Variants in TCF25 observed in about 807,000 individuals in gnomAD.
The protein encoded by TCF25 is ribosome quality control complex subunit TCF25.
TCF25 carries 41 observed loss-of-function variants against 83.1 expected under a neutral mutation model. The ratio of observed to expected loss-of-function variants is 0.49; its 90% confidence interval spans 0.38 to 0.64. TCF25 has a LOEUF of 0.64. Ranked by LOEUF, TCF25 falls within the 30% of genes least tolerant of loss-of-function variation. The pLI, the probability that TCF25 is intolerant of heterozygous loss-of-function variation, is 0.00. For synonymous variants in TCF25, 458 were observed against 365.0 expected, an observed-to-expected ratio of 1.25 and a Z score of -2.90; for missense variants, 979 against 914.5, an observed-to-expected ratio of 1.07 and a Z score of -0.91.
intron 13 of TCF25, 181 bp downstream of exon 13, chr16:89,904,386 A>G: frequency 1.5e-6 from 1 of 679,244 alleles, no homozygotes; most frequent in Non-Finnish European, 2.5e-6. Flanking sequence ...CTGTGTGGAA[A>G]AGTCCAGGTG....
At chr16:89,910,478 G>A (rs1254455557) in intron 16 of TCF25, 113 bp from the exon 17 acceptor site, 8 of 1,045,958 alleles carry the variant, frequency 7.6e-6, no homozygotes, top group South Asian at 2.7e-5. Flanking sequence ...GCCCCCTGGC[G>A]GCCCCTCCGT....
At chr16:89,887,613 T>A (rs751152138) in intron 4 of TCF25, 39 bp from the exon 5 acceptor site, 1 of 1,553,206 alleles carries the variant, frequency 6.4e-7, no homozygotes, top group Admixed American at 2.1e-5. Flanking sequence ...TCTTAGAACA[T>A]AATTTCATGT....
At position 89,889,494 on chromosome 16, in the gene TCF25, T is replaced by C. The variant is rs1450848030; in HGVS notation, c.614+1777T>C. On this transcript the variant is annotated intron_variant, in intron 5 of 17. Transcript: ENST00000263346. ...GCCCAGCCAGACACATCCTGTTTTA[T>C]TGGACCATGGAGAGTATTGCTGGTC... 3.0e-5 allele frequency: 6 copies of C among 202,084 alleles called. No individual in the cohort carries two copies. The East Asian group carries it at 9.5e-4, about 32-fold the overall frequency. 12.5% of individuals were successfully genotyped at this position (202,084 alleles called of 1,614,324 possible).
Position 89,873,862 on chromosome 16 carries a change from G to T in TCF25, c.192+3G>T. On this transcript the variant is annotated splice_donor_region_variant and intron_variant, in intron 1 of 17. Transcript: ENST00000263346. ...GAGTCAACAACCGCTTCGAGCTGGT[G>T]AGGAGCGCGGCGGCCCGGGTGGGGG... is the stretch of plus-strand genomic sequence containing the variant. The T allele has an allele frequency of 1.3e-6, 2 of 1,525,366 alleles. No homozygotes were observed. The highest frequency in any genetic ancestry group is 1.8e-6 in the Non-Finnish European group (2 of 1,136,646). The allele number at this position is 1,525,366 out of a possible 1,614,324, so 94.5% of individuals were successfully genotyped here. A position where few individuals can be genotyped will look rare whatever the true frequency, so the allele number is the denominator to read the frequency against.
intron 1 of TCF25, chr16:89,878,644 T>G: frequency 9.2e-7 from 1 of 1,092,076 alleles, no homozygotes; most frequent in South Asian, 2.2e-5. Flanking sequence ...AATAAGGTGT[T>G]TTGTTTTGTT....
chr16:89,904,052 C>T (rs2044569685), intron 12 of TCF25, 66 bp from the exon 13 acceptor site: 4 of 1,519,010 alleles, frequency 2.6e-6, no homozygotes, highest in African/African-American at 1.4e-5. Context: ...CCCTTACTGC[C>T]TTGGGGGCTA....
chr16:89,908,562 A>T (rs1597394249), intron 16 of TCF25, among the ~76,000 whole-genome samples: 1 of 88,480 alleles, frequency 1.1e-5, no homozygotes, highest in Non-Finnish European at 2.2e-5. Flanking sequence ...TCCAGTTCCC[A>T]CCTCTTTCCT....
Position 89,893,809 on chromosome 16 carries a change from A to G in TCF25, c.779A>G (p.Gln260Arg). ...FEHSEEYQQA[Q>R]HKFLVAVESM... ...CACAGTGAGGAGTACCAGCAGGCTCAGCACAAGTTCCTGGTGGCCGTGGAG... is the reference window on the plus strand; with the variant it reads ...CACAGTGAGGAGTACCAGCAGGCTCGGCACAAGTTCCTGGTGGCCGTGGAG... The change falls in exon 7 of 18, where the codon CAG (glutamine) becomes CGG (arginine). Residue 260 changes from glutamine (Q) to arginine (R), a missense_variant. By Grantham distance (43) the Gln-to-Arg change is conservative. Transcript: ENST00000263346. The G allele has an allele frequency of 6.2e-7, 1 of 1,612,674 alleles. No individual in the cohort carries two copies. Among genetic ancestry groups the G allele is most frequent in the Non-Finnish European group, 8.5e-7 (1 of 1,179,472 alleles).
Position 89,883,363 on chromosome 16 carries a change from G to T in TCF25, c.205G>T (p.Asp69Tyr). The T allele has an allele frequency of 6.2e-7, 1 of 1,613,386 alleles. No homozygotes were observed. Among genetic ancestry groups the T allele is most frequent in the Non-Finnish European group, 8.5e-7 (1 of 1,179,454 alleles). Reference protein sequence around the residue: ...NNRFELINIDDLEDDPVVNGE... With the variant: ...NNRFELINIDYLEDDPVVNGE... ...CCTGTTTTTCCAGATAAACATTGAC[G>T]ATCTTGAGGATGACCCTGTGGTGAA... The change falls in exon 2 of 18, where the codon GAT (aspartate) becomes TAT (tyrosine). Residue 69 changes from aspartate to tyrosine, a missense_variant. By Grantham distance (160) the Asp-to-Tyr change is radical. Coordinates refer to ENST00000263346, the MANE Select transcript of TCF25 (RefSeq NM_014972.3).
chr16:89,882,742 G>A (rs2042703329), intron 1 of TCF25, among the ~76,000 whole-genome samples: 1 of 152,132 alleles, frequency 6.6e-6, no homozygotes, highest in Non-Finnish European at 1.5e-5. Flanking sequence ...TCCTGCCACT[G>A]TGCCTGGCTA....
Position 89,895,486 on chromosome 16 carries a change from A to G in TCF25, c.928+349A>G, listed in dbSNP as rs562329666. ...CTCCCAAAGTGCTGGGATTACAGGC[A>G]TGAGCCACCACGCCCCGCCCTCTGG... is the stretch of plus-strand genomic sequence containing the variant. On this transcript the variant is annotated intron_variant, in intron 8 of 17. Coordinates refer to ENST00000263346, the MANE Select transcript of TCF25 (RefSeq NM_014972.3). Among the ~76,000 whole-genome samples the G allele has an allele frequency of 1.4e-3, 219 of 152,222 alleles. 2 individuals are homozygous for G. The highest frequency in any genetic ancestry group is 4.9e-3 in the African/African-American group (203 of 41,512).
intron 1 of TCF25, among the ~76,000 whole-genome samples, chr16:89,876,213 A>C (rs986817249): frequency 8.6e-5 from 13 of 152,032 alleles, no homozygotes; most frequent in African/African-American, 3.1e-4. Context: ...AATTTCAGAG[A>C]ATTTTATCCA....
intron 4 of TCF25, 30 bp from the exon 5 acceptor site, chr16:89,887,622 G>GT (rs749244446): frequency 1.2e-4 from 188 of 1,558,256 alleles, no homozygotes; most frequent in South Asian, 3.5e-4. Flanking sequence ...ATAATTTCAT[G>GT]TTTTTTTTCT....
At chr16:89,906,013 G>GC in intron 14 of TCF25, 181 bp from the exon 15 acceptor site, 1 of 594,348 alleles carries the variant, frequency 1.7e-6, no homozygotes, top group Non-Finnish European at 3.0e-6. Context: ...AGGCTCCCCA[G>GC]CCGCAGGCCA....
rs2044599257 is a variant in TCF25, at chr16:89,904,365, G to A, written c.1469+160G>A. The A allele has an allele frequency of 6.5e-6, 5 of 764,336 alleles. No individual in the cohort carries two copies. The East Asian group carries it at 1.3e-4, about 21-fold the overall frequency. 47.3% of individuals were successfully genotyped at this position (764,336 alleles called of 1,614,324 possible). On this transcript the variant is annotated intron_variant, in intron 13 of 17. Coordinates refer to ENST00000263346, the MANE Select transcript of TCF25 (RefSeq NM_014972.3). ...CTGTCATTTGACATGGGACGGCTCT[G>A]GAGCCCTCATCTGTGTGGAAAAGTC...
intron 12 of TCF25, among the ~76,000 whole-genome samples, chr16:89,903,099 C>T (rs1467182418): frequency 2.0e-5 from 3 of 152,238 alleles, no homozygotes; most frequent in African/African-American, 7.2e-5. Flanking sequence ...CCAGTGCAGC[C>T]GTGTCTGGAA....
At chr16:89,879,405 T>C (rs1276446225) in intron 1 of TCF25, among the ~76,000 whole-genome samples, 23 of 108,164 alleles carry the variant, frequency 2.1e-4, no homozygotes, top group South Asian at 6.5e-4. Context: ...GTCACACGTG[T>C]TGTCCGTGTA....
intron 11 of TCF25, among the ~76,000 whole-genome samples, chr16:89,899,107 A>C (rs535765533): frequency 0.016 from 2,426 of 152,250 alleles, 23 homozygotes; most frequent in African/African-American, 0.033. Flanking sequence ...ACGTGTGTAC[A>C]CATGCTCAAA....
At chr16:89,881,191 C>T (rs961376055) in intron 1 of TCF25, among the ~76,000 whole-genome samples, 3 of 152,134 alleles carry the variant, frequency 2.0e-5, no homozygotes, top group Non-Finnish European at 4.4e-5. Context: ...ACAGACCTGC[C>T]CTGTGCTTTC....
Sources: gnomAD v4.1 joint callset for allele counts (sites outside exome capture counted in the v4.1 genomes callset) on GRCh38, gnomAD v4.1.1 for gene constraint, MANE v1.5 for transcripts, NCBI Gene and HGNC (gene_info 2026-07-23, HGNC 2026-07-21) for gene names.